EPN2: variants seen among roughly 807,000 people sequenced by gnomAD.
EPN2 encodes the protein epsin 2, also known as epsin-2.
Under a neutral mutation model 61.7 loss-of-function variants are expected in EPN2, and 34 were observed. The ratio of observed to expected loss-of-function variants is 0.55; its 90% CI spans 0.42 to 0.73. The LOEUF is 0.73. Among genes scored for constraint, EPN2 ranks in the 30% least tolerant of loss-of-function variants. The pLI is 0.00. For missense variants in EPN2, 714 were observed against 839.2 expected (o/e 0.85, Z 1.84); for synonymous variants, 349 against 353.6 (o/e 0.99, Z 0.15).
chr17:19,295,359 C>CAT (rs2045506233), intron 4 of EPN2, among the ~76,000 whole-genome samples: 16 of 68,260 alleles, frequency 2.3e-4, no homozygotes, highest in Non-Finnish European at 6.6e-4. Context: ...CACACACACA[C>CAT]ACACACACGC....
intron 1 of EPN2, among the ~76,000 whole-genome samples, chr17:19,250,632 C>T (rs2045004764): frequency 1.3e-5 from 2 of 152,074 alleles, no homozygotes; most frequent in South Asian, 4.2e-4. Context: ...TGGGTCAGAG[C>T]CAGTGTCGGC....
chr17:19,241,478 C>T (rs571947802), intron 1 of EPN2, among the ~76,000 whole-genome samples: 55 of 150,718 alleles, frequency 3.6e-4, no homozygotes, highest in African/African-American at 1.3e-3. Context: ...CCCAGCTACT[C>T]GGGAGGCTGA....
intron 7 of EPN2, among the ~76,000 whole-genome samples, chr17:19,328,425 G>T (rs1426971368): frequency 6.6e-6 from 1 of 152,108 alleles, no homozygotes; most frequent in Non-Finnish European, 1.5e-5. Flanking sequence ...GTATGGTGGG[G>T]AGCTTGGAGA....
chr17:19,295,063 T>A (rs903497981), intron 4 of EPN2, among the ~76,000 whole-genome samples: 85 of 152,128 alleles, frequency 5.6e-4, no homozygotes, highest in African/African-American at 2.0e-3. Flanking sequence ...TATCATATCC[T>A]TTTTTACTAT....
intron 4 of EPN2, among the ~76,000 whole-genome samples, chr17:19,300,957 G>A (rs536546293): frequency 1.3e-5 from 2 of 152,280 alleles, no homozygotes; most frequent in East Asian, 1.9e-4. Context: ...CAGGGGAGGC[G>A]CAGTGAGAAG....
chr17:19,268,236 C>G (rs904678156), intron 1 of EPN2, among the ~76,000 whole-genome samples: 10 of 152,208 alleles, frequency 6.6e-5, no homozygotes, highest in African/African-American at 2.2e-4. Flanking sequence ...TTGTTGCTCC[C>G]CCAGTCTAGA....
intron 7 of EPN2, among the ~76,000 whole-genome samples, chr17:19,328,170 CTGTT>C (rs1352000746): frequency 1.3e-5 from 2 of 152,194 alleles, no homozygotes; most frequent in Non-Finnish European, 2.9e-5. Flanking sequence ...AAGTATGTAG[CTGTT>C]TGTTTTATTC....
intron 4 of EPN2, among the ~76,000 whole-genome samples, chr17:19,296,430 C>T (rs932548740): frequency 2.0e-5 from 3 of 151,988 alleles, no homozygotes; most frequent in Admixed American, 6.6e-5. Flanking sequence ...GGATTACAGA[C>T]GTGAGCCACT....
At chr17:19,242,611 C>G (rs774605582) in intron 1 of EPN2, among the ~76,000 whole-genome samples, 8 of 151,834 alleles carry the variant, frequency 5.3e-5, no homozygotes, top group Non-Finnish European at 1.5e-5. Flanking sequence ...CTGGTCTAGG[C>G]AGAGTGTGCT....
At chr17:19,255,365 G>A (rs1465646544) in intron 1 of EPN2, among the ~76,000 whole-genome samples, 1 of 151,764 alleles carries the variant, frequency 6.6e-6, no homozygotes, top group Admixed American at 6.6e-5. Context: ...CCTGCACTTT[G>A]GGTTCTAACC....
At chr17:19,295,377 C>CGCGT (rs1364111438) in intron 4 of EPN2, among the ~76,000 whole-genome samples, 3 of 151,498 alleles carry the variant, frequency 2.0e-5, no homozygotes, top group East Asian at 2.0e-4. Flanking sequence ...CGCGCGTGCG[C>CGCGT]GCAAAATAGC....
At chr17:19,255,509 C>T (rs2045066306) in intron 1 of EPN2, among the ~76,000 whole-genome samples, 1 of 145,904 alleles carries the variant, frequency 6.9e-6, no homozygotes, top group Non-Finnish European at 1.5e-5. Flanking sequence ...ATTTCTTTAA[C>T]CCAGTGAGTC....
At chr17:19,331,233 A>G (rs1220952676) in intron 9 of EPN2, among the ~76,000 whole-genome samples, 1 of 152,200 alleles carries the variant, frequency 6.6e-6, no homozygotes, top group Non-Finnish European at 1.5e-5. Flanking sequence ...GCTACTGTAA[A>G]TGATGCTGTT....
At chr17:19,310,766 C>T (rs1906099209) in intron 5 of EPN2, among the ~76,000 whole-genome samples, 1 of 151,664 alleles carries the variant, frequency 6.6e-6, no homozygotes, top group Admixed American at 6.6e-5. Flanking sequence ...TTAGTAGAGA[C>T]AGGGTTTCAC....
At chr17:19,308,440 C>CCTGTGCATGCACCTGT (rs1406103466) in intron 4 of EPN2, 53 of 985,256 alleles carry the variant, frequency 5.4e-5, no homozygotes, top group Non-Finnish European at 6.1e-5. Flanking sequence ...CATCTGTCGA[C>CCTGTGCATGCACCTGT]CTGTGCATGC....
intron 1 of EPN2, among the ~76,000 whole-genome samples, chr17:19,277,729 G>A (rs1054518033): frequency 6.6e-6 from 1 of 152,140 alleles, no homozygotes; most frequent in Non-Finnish European, 1.5e-5. Flanking sequence ...ATTAGTTTCA[G>A]CCTCCAAAGT....
intron 1 of EPN2, among the ~76,000 whole-genome samples, chr17:19,243,549 C>T (rs2044910432): frequency 6.6e-6 from 1 of 151,946 alleles, no homozygotes; most frequent in Admixed American, 6.6e-5. Flanking sequence ...CCCGCCACCA[C>T]ACCCGGCTAA....
At position 19,334,675 on chromosome 17, in the gene EPN2, C is replaced by G. The variant is rs562593111; in HGVS notation, c.*421C>G. 3.7e-5 allele frequency: 6 copies of G among 161,762 alleles called. No homozygotes were observed. Among genetic ancestry groups the G allele is most frequent in the South Asian group, 2.0e-4 (1 of 4,912 alleles). 10.0% of individuals were successfully genotyped at this position (161,762 alleles called of 1,614,324 possible). On this transcript the variant is annotated 3_prime_UTR_variant, in exon 11 of 11. Transcript: ENST00000314728. The surrounding 1 kb of genome is among the most constrained non-coding windows in gnomAD (Gnocchi z 4.9). The stretch of plus-strand genomic sequence containing the variant: ...AGTCCTGGGTGTGGACACGATGAAG[C>G]ACCGGCTCCATAAGACACCTTTTGG...
Position 19,259,308 on chromosome 17 carries a change from CTTTTTTTT to C in EPN2, c.-294+21792_-294+21799del, listed in dbSNP as rs776768357. On this transcript the variant is annotated intron_variant, in intron 1 of 10. Transcript: ENST00000314728. ...ATCTGGCATCTTTTGAGTGTTGGGTCTTTTTTTTTTTTTTTTTTTTTTGAGATGGAGTC... is the reference window on the plus strand; with the variant it reads ...ATCTGGCATCTTTTGAGTGTTGGGTCTTTTTTTTTTTTTTGAGATGGAGTC... 2.8e-3 allele frequency among the ~76,000 whole-genome samples: 268 copies of C among 96,194 alleles called. 1 individual carries two copies. Among genetic ancestry groups the C allele is most frequent in the African/African-American group, 0.012 (255 of 21,690 alleles). The allele number at this position is 96,194 out of a possible 152,430, so 63.1% of individuals were successfully genotyped here.
Sources: gnomAD v4.1 joint callset for allele counts (sites outside exome capture counted in the v4.1 genomes callset) on GRCh38, gnomAD v4.1.1 for gene constraint, Gnocchi (gnomAD v3.1) non-coding constraint, MANE v1.5 for transcripts, NCBI Gene and HGNC (gene_info 2026-07-23, HGNC 2026-07-21) for gene names.